The following MGRN1 variants were observed in gnomAD, a reference collection of about 807,000 sequenced individuals.
MGRN1 encodes the protein E3 ubiquitin-protein ligase MGRN1.
In MGRN1, 29 loss-of-function variants were observed where a neutral mutation model predicts 69.2. That is an observed-to-expected ratio of 0.42 (90% CI 0.31 to 0.57). MGRN1 has a LOEUF of 0.57. Ranked by LOEUF, MGRN1 falls within the 20% of genes least tolerant of loss-of-function variation. MGRN1 has a pLI of 0.15. For missense variants in MGRN1, 998 were observed against 796.2 expected, an observed-to-expected ratio of 1.25 and a Z score of -3.05; for synonymous variants, 470 against 344.2, an observed-to-expected ratio of 1.37 and a Z score of -4.04.
chr16:4,682,900 C>A lies in MGRN1; in HGVS notation c.1436C>A (p.Pro479Gln), dbSNP rs762512282. ...TCCGAGGACGTGGACGCCCCTCCCC[C>A]ACTGGGTGGCGCAGAGCTGGCCCTG... ...KLSEDVDAPP[P>Q]LGGAELALRE... Residue 479 changes from proline (P) to glutamine (Q), a missense_variant, in exon 14 of 17, where the codon CCA becomes CAA. Physicochemically the swap from Pro to Gln is moderately conservative, Grantham distance 76. Coordinates refer to ENST00000262370, the MANE Select transcript of MGRN1 (RefSeq NM_015246.4). The A allele has an allele frequency of 1.6e-5, 26 of 1,609,032 alleles. No homozygotes were observed. Among genetic ancestry groups the A allele is most frequent in the Non-Finnish European group, 1.9e-5 (22 of 1,176,860 alleles).
Position 4,664,745 on chromosome 16 carries a change from G to T in MGRN1, c.598G>T (p.Val200Phe). 2 of 1,614,222 alleles carry T rather than the reference G, an allele frequency of 1.2e-6. No individual in the cohort carries two copies. The highest frequency in any genetic ancestry group is 1.1e-5 in the South Asian group (1 of 91,090). The change falls in exon 6 of 17, where the codon GTC (valine) becomes TTC (phenylalanine). Residue 200 changes from valine (V) to phenylalanine (F), a missense_variant. Physicochemically the swap from Val to Phe is conservative, Grantham distance 50. Transcript: ENST00000262370. ...CCTGGACCGGGGCGTGTTTCCAGTAGTCATCCAGGCTGTGGTGGACGAAGG... is the reference window on the plus strand; with the variant it reads ...CCTGGACCGGGGCGTGTTTCCAGTATTCATCCAGGCTGTGGTGGACGAAGG... The part of the protein sequence containing the change: ...FDLDRGVFPV[V>F]IQAVVDEGDV...
intron 16 of MGRN1, 57 bp downstream of exon 16, chr16:4,683,989 A>AG: frequency 1.4e-6 from 2 of 1,458,010 alleles, no homozygotes; most frequent in Non-Finnish European, 1.9e-6. Context: ...GTCCCCAGGG[A>AG]GGGGGCCCTG....
chr16:4,648,043 C>A (rs1244109647), intron 1 of MGRN1, among the ~76,000 whole-genome samples: 1 of 152,142 alleles, frequency 6.6e-6, no homozygotes, highest in East Asian at 1.9e-4. Context: ...TCTCAGAATT[C>A]CCGCTGAAGG....
intron 1 of MGRN1, among the ~76,000 whole-genome samples, chr16:4,631,482 G>A (rs1004185659): frequency 6.6e-6 from 1 of 152,220 alleles, no homozygotes; most frequent in Non-Finnish European, 1.5e-5. Flanking sequence ...GGAGACATTT[G>A]TGATTGTCAC....
intron 16 of MGRN1, chr16:4,687,541 C>T (rs1443120586): frequency 2.0e-6 from 2 of 977,150 alleles, no homozygotes; most frequent in Non-Finnish European, 2.4e-6. Flanking sequence ...CCCACCCACC[C>T]ACTCCAGCCT....
At chr16:4,658,400 G>A (rs1347717650) in intron 5 of MGRN1, among the ~76,000 whole-genome samples, 2 of 152,086 alleles carry the variant, frequency 1.3e-5, no homozygotes, top group Non-Finnish European at 2.9e-5. Context: ...CCCGGGTGTG[G>A]TGGCGGGCGC....
chr16:4,643,247 AC>A (rs1332189328), intron 1 of MGRN1, among the ~76,000 whole-genome samples: 1 of 151,892 alleles, frequency 6.6e-6, no homozygotes, highest in Non-Finnish European at 1.5e-5. Context: ...GGCACGAGCC[AC>A]TGAGCCTGGA....
intron 1 of MGRN1, chr16:4,633,545 G>A (rs1349131611): frequency 6.6e-6 from 1 of 150,728 alleles, no homozygotes; most frequent in African/African-American, 2.4e-5. Context: ...TACAAAATGA[G>A]CTGGGCGTGG....
At chr16:4,679,956 C>A in intron 11 of MGRN1, 76 bp from the exon 12 acceptor site, 1 of 1,370,832 alleles carries the variant, frequency 7.3e-7, no homozygotes, top group South Asian at 1.2e-5. Flanking sequence ...AGAGGACAGC[C>A]AGTCAGACCT....
Position 4,629,191 on chromosome 16 carries a change from T to TGTGA in MGRN1, c.88+4144_88+4145insTGAG, listed in dbSNP as rs777024460. Among the ~76,000 whole-genome samples the TGTGA allele has an allele frequency of 6.7e-3, 992 of 148,980 alleles. 5 individuals are homozygous for TGTGA. Among genetic ancestry groups the TGTGA allele is most frequent in the Non-Finnish European group, 0.01 (673 of 66,992 alleles). ...GTGTGTGTGTGTGTGTGTGTGTGTG[T>TGTGA]GAAAAGTGTCTATTTGAGTCTTTTG... On this transcript the variant is annotated intron_variant, in intron 1 of 16. Coordinates refer to ENST00000262370, the MANE Select transcript of MGRN1 (RefSeq NM_015246.4).
At chr16:4,653,511 C>G (rs1308889075) in intron 4 of MGRN1, among the ~76,000 whole-genome samples, 1 of 152,150 alleles carries the variant, frequency 6.6e-6, no homozygotes, top group Admixed American at 6.5e-5. Context: ...TGTTTTGAGA[C>G]GAAGCCTCAC....
intron 1 of MGRN1, among the ~76,000 whole-genome samples, chr16:4,629,292 C>G (rs567464686): frequency 6.6e-6 from 1 of 152,082 alleles, no homozygotes; most frequent in Non-Finnish European, 1.5e-5. Context: ...GGATAGGATT[C>G]TCCTGTCAGC....
intron 1 of MGRN1, among the ~76,000 whole-genome samples, chr16:4,648,177 T>A (rs1485582315): frequency 6.6e-6 from 1 of 152,204 alleles, no homozygotes; most frequent in African/African-American, 2.4e-5. Context: ...GAGGACCATG[T>A]ATTCTGAGCA....
intron 1 of MGRN1, among the ~76,000 whole-genome samples, chr16:4,625,684 C>A (rs769029516): frequency 5.3e-5 from 8 of 152,236 alleles, no homozygotes; most frequent in Non-Finnish European, 7.3e-5. Context: ...CTGCCAAGAT[C>A]TCAGCTGGAT....
In MGRN1 at chr16:4,681,712, GCTATCGACCACATC is replaced by G; in HGVS notation, c.1297_1310del (p.Ile433GlyfsTer30). 6.2e-7 allele frequency: 1 copy of G among 1,613,248 alleles called. No homozygotes were observed. The highest frequency in any genetic ancestry group is 8.5e-7 in the Non-Finnish European group (1 of 1,179,956). On this transcript the variant is annotated frameshift_variant, in exon 13 of 17. Coordinates refer to ENST00000262370, the MANE Select transcript of MGRN1 (RefSeq NM_015246.4). LOFTEE classifies it high-confidence loss of function. ...GTCCCAGGCCAGCTGTCCCCTCGCG[GCTATCGACCACATC>G]CTGGACAGCAGCCGCCAGAAGGGCA...
chr16:4,683,993 G>T, intron 16 of MGRN1, 61 bp downstream of exon 16: 2 of 1,442,756 alleles, frequency 1.4e-6, no homozygotes, highest in Non-Finnish European at 1.9e-6. Context: ...CCAGGGAGGG[G>T]GCCCTGCTCT....
At chr16:4,668,514 GAC>G (rs1368054924) in intron 8 of MGRN1, among the ~76,000 whole-genome samples, 1 of 151,068 alleles carries the variant, frequency 6.6e-6, no homozygotes, top group Non-Finnish European at 1.5e-5. Context: ...CACATATATA[GAC>G]ACATAAACAC....
chr16:4,679,307 A>G (rs1266862222), intron 11 of MGRN1, among the ~76,000 whole-genome samples: 2 of 152,036 alleles, frequency 1.3e-5, no homozygotes, highest in African/African-American at 4.8e-5. Flanking sequence ...AGGTCCCTCC[A>G]TGTTTGTCCC....
chr16:4,682,019 G>A (rs557672084), intron 13 of MGRN1, among the ~76,000 whole-genome samples: 116 of 152,080 alleles, frequency 7.6e-4, no homozygotes, highest in African/African-American at 2.5e-3. Flanking sequence ...GGGCCACACC[G>A]GCGTGCAGGC....
Sources: allele counts gnomAD v4.1 joint callset (sites outside exome capture counted in the v4.1 genomes callset), GRCh38; gene constraint gnomAD v4.1.1; transcripts MANE v1.5; gene names NCBI Gene and HGNC (gene_info 2026-07-23, HGNC 2026-07-21).